Variants in LZTFL1 observed in about 807,000 individuals in gnomAD.
LZTFL1 encodes the protein leucine zipper transcription factor-like protein 1.
Under a neutral mutation model 45.9 loss-of-function variants are expected in LZTFL1, and 25 were observed. The observed-to-expected ratio is 0.54, with a 90% CI of 0.40 to 0.76. The LOEUF (loss-of-function observed/expected upper bound fraction) is 0.76, where lower values mean the gene tolerates loss of function less well. LZTFL1 is among the 30% of genes least tolerant of loss of function. The probability of loss-of-function intolerance (pLI) is 0.00; values close to 1 mark genes in which losing one functional copy is unlikely to be tolerated. For missense variants in LZTFL1, 277 were observed against 331.1 expected, an observed-to-expected ratio of 0.84 and a Z score of 1.27; for synonymous variants, 93 against 117.4, an observed-to-expected ratio of 0.79 and a Z score of 1.35.
chr3:45,870,965 A>G (rs1047886197), intron 2 of LZTFL1, among the ~76,000 whole-genome samples: 2 of 152,236 alleles, frequency 1.3e-5, no homozygotes, highest in Non-Finnish European at 1.5e-5. Context: ...CATACCATCT[A>G]TTATACAAGT....
intron 2 of LZTFL1, 74 bp downstream of exon 2, chr3:45,837,853 T>C (rs1701004971): frequency 1.3e-6 from 2 of 1,484,058 alleles, no homozygotes; most frequent in Non-Finnish European, 1.8e-6. Context: ...TGGCCTCTGC[T>C]ATGGCACCCC....
At chr3:45,875,669 A>AAAAGAAAG (rs141973623) in intron 2 of LZTFL1, among the ~76,000 whole-genome samples, 4 of 152,088 alleles carry the variant, frequency 2.6e-5, no homozygotes, top group South Asian at 2.1e-4. Flanking sequence ...GAAACATACA[A>AAAAGAAAG]AAAGAAAGAA....
At chr3:45,842,766 C>G (rs1701152799), upstream of LZTFL1, among the ~76,000 whole-genome samples, 1 of 152,080 alleles carries the variant, frequency 6.6e-6, no homozygotes, top group South Asian at 2.1e-4. Flanking sequence ...TGAACAAATT[C>G]CTGGGCCTTA....
chr3:45,901,814 G>C lies in LZTFL1; in HGVS notation c.-215+11306C>G, dbSNP rs1254983213. The C allele has an allele frequency of 6.2e-7, 1 of 1,614,000 alleles. No homozygotes were observed. Among genetic ancestry groups the C allele is most frequent in the Non-Finnish European group, 8.5e-7 (1 of 1,179,976 alleles). ...ACTTGGGTTGCATCAGCCAGGCCCAGTGGGTTTCATTTACAAGGAGAGAGG... is the reference window on the plus strand; with the variant it reads ...ACTTGGGTTGCATCAGCCAGGCCCACTGGGTTTCATTTACAAGGAGAGAGG... On this transcript the variant is annotated intron_variant, in intron 2 of 4. Transcript: ENST00000472635. This position sits in a 1 kb window ranked among gnomAD's most constrained non-coding sequence, Gnocchi z 4.3.
intron 2 of LZTFL1, among the ~76,000 whole-genome samples, chr3:45,880,482 A>T (rs1331316888): frequency 6.6e-6 from 1 of 152,104 alleles, no homozygotes; most frequent in African/African-American, 2.4e-5. Context: ...AGCCTGGGCG[A>T]CAGAGCAAGA....
intron 2 of LZTFL1, among the ~76,000 whole-genome samples, chr3:45,882,673 C>T (rs564108942): frequency 6.6e-6 from 1 of 152,276 alleles, no homozygotes; most frequent in South Asian, 2.1e-4. Flanking sequence ...GCAACAAAGT[C>T]AGCTTGGGTC....
chr3:45,827,377 T>A lies in LZTFL1; in HGVS notation c.860A>T (p.Asp287Val), dbSNP rs762364308. 6.2e-7 allele frequency: 1 copy of A among 1,613,170 alleles called. No individual in the cohort carries two copies. The highest frequency in any genetic ancestry group is 1.1e-5 in the South Asian group (1 of 91,048). The change falls in exon 9 of 10, where the codon GAT (aspartate) becomes GTT (valine). Residue 287 changes from aspartate to valine, a missense_variant. Physicochemically the swap from Asp to Val is radical, Grantham distance 152. Coordinates refer to ENST00000296135, the MANE Select transcript of LZTFL1 (RefSeq NM_020347.4). ...ILTKKNDQIK[D>V]LRKRLAQYEP... is the part of the protein sequence containing the mutation. ...TTACTGTGCCAGTCTTTTCCTCAGA[T>A]CTTTGATTTGGTCATTCTTCTTGGT...
Position 45,901,692 on chromosome 3 carries a change from A to G in LZTFL1, c.-215+11428T>C, listed in dbSNP as rs192438929. On this transcript the variant is annotated intron_variant, in intron 2 of 4. Coordinates refer to the LZTFL1 transcript ENST00000472635. The surrounding 1 kb of genome is among the most constrained non-coding windows in gnomAD (Gnocchi z 4.3). ...CAACATTGACATCTGCTTCCAGGTC[A>G]CCCAGACCATCGCCTTCTTCCACAG... 103 of 1,614,082 alleles carry G rather than the reference A, an allele frequency of 6.4e-5. No homozygotes were observed. Among genetic ancestry groups the G allele is most frequent in the Middle Eastern group, 3.3e-4 (2 of 6,060 alleles).
At chr3:45,844,969 A>G (rs1701194466), upstream of LZTFL1, among the ~76,000 whole-genome samples, 1 of 152,234 alleles carries the variant, frequency 6.6e-6, no homozygotes, top group African/African-American at 2.4e-5. Context: ...AGTTTCACTG[A>G]TAATCTCAAT....
intron 2 of LZTFL1, among the ~76,000 whole-genome samples, chr3:45,878,654 C>T (rs1701795005): frequency 6.7e-6 from 1 of 149,044 alleles, no homozygotes; most frequent in Admixed American, 6.7e-5. Flanking sequence ...AAGACAAGCC[C>T]CAGACTGGGA....
intron 2 of LZTFL1, among the ~76,000 whole-genome samples, chr3:45,898,964 G>T (rs554356256): frequency 6.6e-6 from 1 of 152,100 alleles, no homozygotes; most frequent in Non-Finnish European, 1.5e-5. Context: ...TCAGAAGTTC[G>T]AGACCAGCCT....
At chr3:45,913,253 T>A (rs1022561320) in intron 1 of LZTFL1, 1 of 1,092,832 alleles carries the variant, frequency 9.2e-7, no homozygotes, top group African/African-American at 1.6e-5. Context: ...TGCAATGAGC[T>A]GATCTTTCTC....
At chr3:45,906,488 C>T (rs902932296) in intron 2 of LZTFL1, among the ~76,000 whole-genome samples, 22 of 150,894 alleles carry the variant, frequency 1.5e-4, no homozygotes, top group African/African-American at 5.3e-4. Flanking sequence ...CCAAGCCAGA[C>T]TTTGTGCTGA....
intron 2 of LZTFL1, among the ~76,000 whole-genome samples, chr3:45,909,340 G>T (rs1009242734): frequency 6.6e-6 from 1 of 152,162 alleles, no homozygotes. Context: ...GTGTCAAAAA[G>T]GTTGGGGACC....
intron 2 of LZTFL1, among the ~76,000 whole-genome samples, chr3:45,912,602 C>T (rs1702816745): frequency 6.6e-6 from 1 of 152,200 alleles, no homozygotes; most frequent in Admixed American, 6.5e-5. Context: ...ACATGGAGTA[C>T]AGCCAAGTTG....
intron 5 of LZTFL1, among the ~76,000 whole-genome samples, chr3:45,832,385 A>G (rs1267648574): frequency 6.6e-6 from 1 of 152,216 alleles, no homozygotes; most frequent in African/African-American, 2.4e-5. Context: ...TCAACATCAG[A>G]AACTTTCTGA....
intron 1 of LZTFL1, among the ~76,000 whole-genome samples, chr3:45,914,377 G>A (rs1221177387): frequency 6.6e-6 from 1 of 151,704 alleles, no homozygotes; most frequent in Admixed American, 6.6e-5. Flanking sequence ...CAAACTCCCA[G>A]GCTTAAGGGA....
rs578000468 is a variant in LZTFL1 at position 45,824,471 on chromosome 3, T to C, written c.*1843A>G. On this transcript the variant is annotated 3_prime_UTR_variant, in exon 10 of 10. Coordinates refer to ENST00000296135, the MANE Select transcript of LZTFL1 (RefSeq NM_020347.4). ...TTTACGTCAAAGAACATCATATTTGTTTATCTTAATGCTTGGCATAGTTGG... is the reference window on the plus strand; with the variant it reads ...TTTACGTCAAAGAACATCATATTTGCTTATCTTAATGCTTGGCATAGTTGG... 1.0e-5 allele frequency: 2 copies of C among 194,800 alleles called. No homozygotes were observed. Among genetic ancestry groups the C allele is most frequent in the South Asian group, 3.8e-4 (2 of 5,218 alleles). 12.1% of individuals were successfully genotyped at this position (194,800 alleles called of 1,614,324 possible).
intron 2 of LZTFL1, among the ~76,000 whole-genome samples, chr3:45,877,741 G>GAT (rs1701773081): frequency 7.3e-6 from 1 of 137,104 alleles, no homozygotes; most frequent in South Asian, 2.3e-4. Context: ...TCATTTATTA[G>GAT]TTTTTTTTTT....
Sources: allele counts gnomAD v4.1 joint callset (sites outside exome capture counted in the v4.1 genomes callset), GRCh38; gene constraint gnomAD v4.1.1; non-coding constraint Gnocchi (gnomAD v3.1); transcripts MANE v1.5; gene names NCBI Gene and HGNC (gene_info 2026-07-23, HGNC 2026-07-21).